The following XRN1 variants were observed in gnomAD, a reference collection of about 807,000 sequenced individuals.
XRN1 encodes 5'-3' exoribonuclease 1.
Under a neutral mutation model 222.3 loss-of-function variants are expected in XRN1, and 67 were observed. That is an observed-to-expected ratio of 0.30 (90% CI 0.25 to 0.37). XRN1 has a LOEUF of 0.37. Ranked by LOEUF, XRN1 falls within the 10% of genes least tolerant of loss-of-function variation. The pLI is 1.00. For synonymous variants in XRN1, 643 were observed against 652.4 expected (o/e 0.99, Z 0.22); for missense variants, 1,707 against 2,000.2 (o/e 0.85, Z 2.80).
At chr3:142,312,564 C>T in intron 40 of XRN1, 34 bp downstream of exon 40, 2 of 1,482,420 alleles carry the variant, frequency 1.3e-6, no homozygotes, top group Non-Finnish European at 9.0e-7. Context: ...CAGCATTAAA[C>T]AAATAATTAT....
chr3:142,444,750 A>G (rs2070425849), intron 1 of XRN1, among the ~76,000 whole-genome samples: 1 of 152,082 alleles, frequency 6.6e-6, no homozygotes, highest in Admixed American at 6.6e-5. Context: ...GTGGATGGAT[A>G]CTCCATTCTC....
rs1384061352 is a variant in XRN1 at position 142,384,590 on chromosome 3, C to T, written c.2435G>A (p.Gly812Asp). 1.2e-6 allele frequency: 2 copies of T among 1,612,998 alleles called. No individual in the cohort carries two copies. Among genetic ancestry groups the T allele is most frequent in the African/African-American group, 1.3e-5 (1 of 75,004 alleles). ...TGRKYQINQNGEVRLEKQWSK... is the reference protein window; with the variant it reads ...TGRKYQINQNDEVRLEKQWSK... Reference sequence around the variant, plus strand: ...CCACTGTTTCTCTAGACGAACTTCACCATTTTGATTTATTTGATATTTACG... The same window carrying T: ...CCACTGTTTCTCTAGACGAACTTCATCATTTTGATTTATTTGATATTTACG... The change falls in exon 21 of 41, where the codon GGT (glycine) becomes GAT (aspartate). Residue 812 changes from glycine (G) to aspartate (D), a missense_variant. By Grantham distance (94) the Gly-to-Asp change is moderately conservative (BLOSUM62 -1). This residue lies in a region of XRN1 where 1,234 missense variants were observed against 1,518.2 expected (regional missense o/e 0.81). Transcript: ENST00000392981.
chr3:142,414,309 G>GT lies in XRN1; in HGVS notation c.1437-19dup. 1 of 1,519,806 alleles carries GT rather than the reference G, an allele frequency of 6.6e-7. No individual in the cohort carries two copies. Among genetic ancestry groups the GT allele is most frequent in the Non-Finnish European group, 8.9e-7 (1 of 1,129,882 alleles). The allele number at this position is 1,519,806 out of a possible 1,614,324, so 94.1% of individuals were successfully genotyped here. A position where few individuals can be genotyped will look rare whatever the true frequency, so the allele number is the denominator to read the frequency against. Reference sequence around the variant, plus strand: ...GATAATACCTATAAAACAAAACTGAGTTTTAAACAAGTGGCATCTTTATGA... The same window carrying GT: ...GATAATACCTATAAAACAAAACTGAGTTTTTAAACAAGTGGCATCTTTATGA... On this transcript the variant is annotated intron_variant, in intron 13 of 40. Coordinates refer to ENST00000392981, the MANE Select transcript of XRN1 (RefSeq NM_001282857.2).
At chr3:142,399,920 TAAGAA>T (rs2068065666) in intron 19 of XRN1, among the ~76,000 whole-genome samples, 1 of 150,732 alleles carries the variant, frequency 6.6e-6, no homozygotes, top group South Asian at 2.1e-4. Context: ...AAATAAAATA[TAAGAA>T]ATCAAGATAA....
intron 24 of XRN1, 61 bp downstream of exon 24, chr3:142,376,418 T>G: frequency 8.2e-7 from 1 of 1,219,032 alleles, no homozygotes; most frequent in Non-Finnish European, 1.2e-6. Context: ...ATATTAAGCA[T>G]TTAATCTTTA....
chr3:142,343,566 CAA>C (rs1306541279), intron 33 of XRN1, among the ~76,000 whole-genome samples: 1 of 151,788 alleles, frequency 6.6e-6, no homozygotes, highest in East Asian at 1.9e-4. Flanking sequence ...GGCTTTTATC[CAA>C]AAGATAGGGA....
chr3:142,354,023 G>C (rs951453595), intron 32 of XRN1, among the ~76,000 whole-genome samples: 2 of 152,014 alleles, frequency 1.3e-5, no homozygotes, highest in Non-Finnish European at 2.9e-5. Context: ...GCTTGCTTCA[G>C]CAGCACATAT....
chr3:142,367,554 T>C (rs957336202), intron 27 of XRN1, among the ~76,000 whole-genome samples: 1 of 152,030 alleles, frequency 6.6e-6, no homozygotes, highest in Admixed American at 6.6e-5. Flanking sequence ...CTTTTTTTTT[T>C]ATTTTTTTTG....
intron 19 of XRN1, among the ~76,000 whole-genome samples, chr3:142,398,670 ATAAAG>A (rs1357667902): frequency 6.6e-6 from 1 of 152,124 alleles, no homozygotes; most frequent in Non-Finnish European, 1.5e-5. Flanking sequence ...CCTGGCCCCT[ATAAAG>A]TATTTTCACC....
chr3:142,386,525 A>G (rs930176453), intron 20 of XRN1, among the ~76,000 whole-genome samples: 4 of 152,144 alleles, frequency 2.6e-5, no homozygotes, highest in Non-Finnish European at 5.9e-5. Context: ...TAACCTGATA[A>G]AGAACAGTAA....
intron 25 of XRN1, among the ~76,000 whole-genome samples, chr3:142,373,405 A>G (rs2067045267): frequency 6.6e-6 from 1 of 152,082 alleles, no homozygotes; most frequent in South Asian, 2.1e-4. Context: ...AATAGAAAGC[A>G]GGAAAAAAAT....
In XRN1 at chr3:142,356,934, T is replaced by C. The variant is rs1188191217; in HGVS notation, c.3650A>G (p.Gln1217Arg). The C allele has an allele frequency of 6.2e-7, 1 of 1,613,982 alleles. No individual in the cohort carries two copies. ...TACTTGAGTAGGAACAAAAAGTGAT[T>C]GAGGGGAATGGTTGAGGGCTCCCAA... ...GHLGALNHSP[Q>R]SLFVPTQVPT... is the part of the protein sequence containing the mutation. The change falls in exon 31 of 41, where the codon CAA (glutamine) becomes CGA (arginine). Residue 1217 changes from glutamine to arginine, a missense_variant. Gln to Arg is a conservative substitution (Grantham distance 43, BLOSUM62 1). Around this residue, in one of 2 missense-constraint regions of XRN1, gnomAD observed 1,234 missense variants for 1,518.2 expected, o/e 0.81. Transcript: ENST00000392981.
At chr3:142,352,427 A>G (rs925187665) in intron 32 of XRN1, among the ~76,000 whole-genome samples, 1 of 152,224 alleles carries the variant, frequency 6.6e-6, no homozygotes, top group Non-Finnish European at 1.5e-5. Flanking sequence ...AGAACTACGT[A>G]TCTTGTCACC....
Position 142,432,240 on chromosome 3 carries a change from TAA to T in XRN1, c.308+419_308+420del, listed in dbSNP as rs1342314518. 2.3e-3 allele frequency among the ~76,000 whole-genome samples: 275 copies of T among 118,632 alleles called. 5 individuals carry two copies. Among genetic ancestry groups the T allele is most frequent in the African/African-American group, 0.012 (257 of 21,696 alleles). The allele number at this position is 118,632 out of a possible 152,430, so 77.8% of individuals were successfully genotyped here. The stretch of plus-strand genomic sequence containing the variant: ...ATATATATAATTAATTATATATATA[TAA>T]AATTTATTTTATATATATATATAAA... On this transcript the variant is annotated intron_variant, in intron 2 of 40. Transcript: ENST00000392981.
At chr3:142,388,349 T>C (rs1041239227) in intron 20 of XRN1, among the ~76,000 whole-genome samples, 2 of 152,242 alleles carry the variant, frequency 1.3e-5, no homozygotes, top group Non-Finnish European at 2.9e-5. Flanking sequence ...ATAATACATA[T>C]ACAAAATATG....
intron 2 of XRN1, among the ~76,000 whole-genome samples, chr3:142,430,723 T>C (rs761043195): frequency 6.6e-6 from 1 of 152,194 alleles, no homozygotes; most frequent in Non-Finnish European, 1.5e-5. Flanking sequence ...GAAGGACTCA[T>C]TATGCTAATG....
At chr3:142,337,057 C>T (rs1459388903) in intron 33 of XRN1, among the ~76,000 whole-genome samples, 3 of 151,910 alleles carry the variant, frequency 2.0e-5, no homozygotes, top group Admixed American at 2.0e-4. Context: ...GATTTTAATA[C>T]CTATAATATA....
At position 142,425,316 on chromosome 3, in the gene XRN1, T is replaced by C; in HGVS notation, c.533A>G (p.Glu178Gly). Residue 178 changes from glutamate (E) to glycine (G), a missense_variant, in exon 5 of 41, where the codon GAG becomes GGG. Around this residue, in one of 2 missense-constraint regions of XRN1, gnomAD observed 1,234 missense variants for 1,518.2 expected, o/e 0.81. Transcript: ENST00000392981. ...FSGHETPGEG[E>G]HKIMEFIRSE... is the part of the protein sequence containing the mutation. Reference sequence around the variant, plus strand: ...TCTGATAAATTCCATGATTTTATGCTCTCCTTCTCCAGGAGTCTAAATAAA... The same window carrying C: ...TCTGATAAATTCCATGATTTTATGCCCTCCTTCTCCAGGAGTCTAAATAAA... The C allele has an allele frequency of 6.2e-7, 1 of 1,605,436 alleles. No homozygotes were observed. The highest frequency in any genetic ancestry group is 8.5e-7 in the Non-Finnish European group (1 of 1,176,198).
chr3:142,398,790 C>T (rs1401184655), intron 19 of XRN1, among the ~76,000 whole-genome samples: 4 of 152,062 alleles, frequency 2.6e-5, no homozygotes. Context: ...AAGGAAACAA[C>T]AGAGTAAATC....
Sources: gnomAD v4.1 joint callset for allele counts (sites outside exome capture counted in the v4.1 genomes callset) on GRCh38, gnomAD v4.1.1 for gene constraint, gnomAD v4.1.1 regional missense constraint, MANE v1.5 for transcripts, NCBI Gene and HGNC (gene_info 2026-07-23, HGNC 2026-07-21) for gene names.